TET2: variants seen among roughly 807,000 people sequenced by gnomAD.
TET2 encodes methylcytosine dioxygenase TET2.
TET2 carries 299 observed loss-of-function variants against 142.9 expected under a neutral mutation model. The observed-to-expected ratio is 2.09, with a 90% CI of 1.90 to 2.30. The LOEUF is 2.30. TET2 is among the 30% of genes most tolerant of loss of function. The pLI is 0.00. For missense variants in TET2, 2,418 were observed against 2,378.0 expected, an observed-to-expected ratio of 1.02 and a Z score of -0.35; for synonymous variants, 819 against 849.0, an observed-to-expected ratio of 0.96 and a Z score of 0.61.
At chr4:105,259,540 A>AT in intron 6 of TET2, 79 bp from the exon 7 acceptor site, 1 of 1,371,976 alleles carries the variant, frequency 7.3e-7, no homozygotes, top group Non-Finnish European at 9.8e-7. Flanking sequence ...CTCATTTTGC[A>AT]TATAGACACC....
chr4:105,160,344 G>C (rs1026574277), intron 1 of TET2, among the ~76,000 whole-genome samples: 4 of 151,994 alleles, frequency 2.6e-5, no homozygotes, highest in Admixed American at 1.3e-4. Flanking sequence ...AAAAAAAAAG[G>C]CATCAAAAAT....
intron 2 of TET2, among the ~76,000 whole-genome samples, chr4:105,211,439 A>G (rs1560755965): frequency 6.6e-6 from 1 of 152,240 alleles, no homozygotes; most frequent in African/African-American, 2.4e-5. Flanking sequence ...AAATAAATAA[A>G]TAGATGAAAG....
At chr4:105,232,377 A>G (rs1378985249) in intron 2 of TET2, among the ~76,000 whole-genome samples, 1 of 152,230 alleles carries the variant, frequency 6.6e-6, no homozygotes, top group Non-Finnish European at 1.5e-5. Flanking sequence ...TTTGGGTAAT[A>G]TGCCGAATAA....
rs1731241902 is a variant in TET2 at position 105,276,763 on chromosome 4, G to A, written c.*244G>A. 1 of 439,136 alleles carries A rather than the reference G, an allele frequency of 2.3e-6. No individual in the cohort carries two copies. Among genetic ancestry groups the A allele is most frequent in the Non-Finnish European group, 4.0e-6 (1 of 247,724 alleles). 27.2% of individuals were successfully genotyped at this position (439,136 alleles called of 1,614,324 possible). On this transcript the variant is annotated 3_prime_UTR_variant, in exon 11 of 11. Coordinates refer to ENST00000380013, the MANE Select transcript of TET2 (RefSeq NM_001127208.3). The stretch of plus-strand genomic sequence containing the variant: ...AAAGCATTCTATGCAAAAAGAAGGT[G>A]GGGAAGAAAGTGTTCCGCAATTTAC...
chr4:105,171,342 A>T (rs561830396), intron 1 of TET2: 1 of 152,214 alleles, frequency 6.6e-6, no homozygotes, highest in Non-Finnish European at 1.5e-5. Flanking sequence ...GCTCTACTCC[A>T]TGCTAAGGAA....
At chr4:105,204,270 T>G (rs113887651) in intron 2 of TET2, among the ~76,000 whole-genome samples, 1 of 86,456 alleles carries the variant, frequency 1.2e-5, no homozygotes. Flanking sequence ...CACACACACA[T>G]ACATACATAC....
intron 1 of TET2, among the ~76,000 whole-genome samples, chr4:105,173,344 C>T (rs1441799106): frequency 6.7e-6 from 1 of 149,566 alleles, no homozygotes; most frequent in African/African-American, 2.5e-5. Context: ...ATGGTGAAAA[C>T]CCGTCTCTAC....
chr4:105,268,888 G>A (rs375685080), intron 8 of TET2, among the ~76,000 whole-genome samples: 3 of 152,076 alleles, frequency 2.0e-5, no homozygotes, highest in Non-Finnish European at 4.4e-5. Context: ...CCTGAGAATC[G>A]CTTGAATCCA....
intron 7 of TET2, among the ~76,000 whole-genome samples, chr4:105,260,960 AT>A (rs1730393305): frequency 1.3e-5 from 2 of 152,104 alleles, no homozygotes; most frequent in Non-Finnish European, 2.9e-5. Context: ...TGTAAACCAA[AT>A]CCAGAGGATA....
intron 6 of TET2, among the ~76,000 whole-genome samples, chr4:105,244,181 C>T (rs1283978964): frequency 2.6e-5 from 4 of 152,148 alleles, no homozygotes; most frequent in Non-Finnish European, 5.9e-5. Flanking sequence ...TTGGGATTCC[C>T]AGGTCAAATA....
chr4:105,147,940 G>A (rs553076147), intron 1 of TET2: 1 of 152,304 alleles, frequency 6.6e-6, no homozygotes, highest in African/African-American at 2.4e-5. Context: ...AAGAAGTGAA[G>A]AGCAGATTTA....
intron 1 of TET2, among the ~76,000 whole-genome samples, chr4:105,148,667 T>C (rs967758687): frequency 6.6e-6 from 1 of 152,230 alleles, no homozygotes; most frequent in African/African-American, 2.4e-5. Flanking sequence ...TTATGTTCTT[T>C]TACATGTTTG....
intron 2 of TET2, among the ~76,000 whole-genome samples, chr4:105,193,266 G>A (rs1398900711): frequency 2.6e-5 from 4 of 152,104 alleles, no homozygotes; most frequent in African/African-American, 4.8e-5. Flanking sequence ...AAGAATGTTG[G>A]CCTTTAGGGC....
chr4:105,249,714 T>TATTG (rs1729769949), intron 6 of TET2, among the ~76,000 whole-genome samples: 1 of 152,236 alleles, frequency 6.6e-6, no homozygotes, highest in African/African-American at 2.4e-5. Context: ...TTCACGTGTG[T>TATTG]ATTGACCATG....
chr4:105,194,118 C>G (rs1457268501), intron 2 of TET2, among the ~76,000 whole-genome samples: 2 of 152,042 alleles, frequency 1.3e-5, no homozygotes, highest in Non-Finnish European at 2.9e-5. Context: ...TCTCCTCCTG[C>G]TAATAAAAAA....
rs1030840140 is a variant in TET2, at chr4:105,261,850, T to G, written c.4044+2T>G. 2 of 1,509,196 alleles carry G rather than the reference T, an allele frequency of 1.3e-6. No homozygotes were observed. Among genetic ancestry groups the G allele is most frequent in the African/African-American group, 1.4e-5 (1 of 71,894 alleles). The allele number at this position is 1,509,196 out of a possible 1,614,324, so 93.5% of individuals were successfully genotyped here. A position where few individuals can be genotyped will look rare whatever the true frequency, so the allele number is the denominator to read the frequency against. ...GCACCTGATGCATATAATAATCAGGTAAGTTTAAATAATCATTGGCAGCAA... is the reference window on the plus strand; with the variant it reads ...GCACCTGATGCATATAATAATCAGGGAAGTTTAAATAATCATTGGCAGCAA... On this transcript the variant is annotated splice_donor_variant, in intron 8 of 10. Transcript: ENST00000380013. LOFTEE classifies it high-confidence loss of function.
At chr4:105,182,105 A>G (rs1473013322) in intron 1 of TET2, among the ~76,000 whole-genome samples, 1 of 152,216 alleles carries the variant, frequency 6.6e-6, no homozygotes. Flanking sequence ...AACCAAAGTT[A>G]ATAGTTACAT....
At chr4:105,160,774 GGTTTGTTT>G (rs199911726) in intron 1 of TET2, among the ~76,000 whole-genome samples, 6 of 151,970 alleles carry the variant, frequency 3.9e-5, no homozygotes, top group Admixed American at 1.3e-4. Context: ...TTGGTTTGTT[GGTTTGTTT>G]GTTTGTTTGT....
chr4:105,234,606 CAT>C lies in TET2; in HGVS notation c.665_666del (p.His222ArgfsTer2). 6.2e-7 allele frequency: 1 copy of C among 1,614,068 alleles called. No individual in the cohort carries two copies. Among genetic ancestry groups the C allele is most frequent in the Non-Finnish European group, 8.5e-7 (1 of 1,179,972 alleles). On this transcript the variant is annotated frameshift_variant, in exon 3 of 11. Coordinates refer to ENST00000380013, the MANE Select transcript of TET2 (RefSeq NM_001127208.3). LOFTEE classifies it high-confidence loss of function. ...TVSASSVEHT[H>X]GELLEKTLSQ... Reference sequence around the variant, plus strand: ...TTCTGCCTCTTCCGTGGAACACACACATGGTGAACTCCTGGAAAAAACACTGT... The same window carrying C: ...TTCTGCCTCTTCCGTGGAACACACACGGTGAACTCCTGGAAAAAACACTGT...
Sources: gnomAD v4.1 joint callset for allele counts (sites outside exome capture counted in the v4.1 genomes callset) on GRCh38, gnomAD v4.1.1 for gene constraint, MANE v1.5 for transcripts, NCBI Gene and HGNC (gene_info 2026-07-23, HGNC 2026-07-21) for gene names.